COG5: variants seen among roughly 807,000 people sequenced by gnomAD.
The protein encoded by COG5 is component of oligomeric golgi complex 5.
COG5 carries 86 observed loss-of-function variants against 110.4 expected under a neutral mutation model. That is an observed-to-expected ratio of 0.78 (90% CI 0.65 to 0.93). The LOEUF (loss-of-function observed/expected upper bound fraction) is 0.93, where lower values mean the gene tolerates loss of function less well. Ranked by LOEUF, COG5 falls within the 40% of genes least tolerant of loss-of-function variation. COG5 has a pLI of 0.00. For missense variants in COG5, 1,077 were observed against 987.0 expected (o/e 1.09, Z -1.22); for synonymous variants, 360 against 334.6 (o/e 1.08, Z -0.83).
chr7:107,454,483 C>T (rs142052596), intron 6 of COG5, among the ~76,000 whole-genome samples: 1,729 of 152,156 alleles, frequency 0.011, 32 homozygotes, highest in African/African-American at 0.039. Context: ...TACAAGTAAT[C>T]TTATTCTTTA....
intron 10 of COG5, among the ~76,000 whole-genome samples, chr7:107,335,667 G>C (rs1810640432): frequency 6.6e-6 from 1 of 152,112 alleles, no homozygotes; most frequent in South Asian, 2.1e-4. Context: ...TATAATAAAA[G>C]ACACAGAGTA....
At chr7:107,267,931 A>C (rs569402417) in intron 14 of COG5, among the ~76,000 whole-genome samples, 1 of 152,238 alleles carries the variant, frequency 6.6e-6, no homozygotes, top group African/African-American at 2.4e-5. Context: ...TTAAATCTAT[A>C]ATCTTACATG....
chr7:107,518,754 G>T (rs2129149760), intron 6 of COG5, among the ~76,000 whole-genome samples: 1 of 152,244 alleles, frequency 6.6e-6, no homozygotes. Context: ...AGATCAACGG[G>T]ACAGAAAATT....
intron 6 of COG5, among the ~76,000 whole-genome samples, chr7:107,517,633 A>G (rs1011306939): frequency 2.0e-5 from 3 of 152,168 alleles, no homozygotes; most frequent in African/African-American, 7.2e-5. Context: ...AGCCCATCAG[A>G]CTAACAGCGG....
intron 16 of COG5, 104 bp downstream of exon 16, chr7:107,256,628 A>G: frequency 2.7e-6 from 2 of 740,992 alleles, no homozygotes; most frequent in Non-Finnish European, 2.4e-6. Context: ...TTTTGTATAT[A>G]TAGAGGATTC....
In COG5 at chr7:107,203,422, A is replaced by T. The variant is rs561925830; in HGVS notation, c.*94T>A. 7 of 830,846 alleles carry T rather than the reference A, an allele frequency of 8.4e-6. No homozygotes were observed. In the East Asian group the frequency reaches 1.7e-4, roughly 21 times the overall value. 51.5% of individuals were successfully genotyped at this position (830,846 alleles called of 1,614,324 possible). A position where few individuals can be genotyped will look rare whatever the true frequency, so the allele number is the denominator to read the frequency against. On this transcript the variant is annotated 3_prime_UTR_variant, in exon 22 of 22. Transcript: ENST00000297135. Reference sequence around the variant, plus strand: ...ACCGAACAATCAATTACATTCTTAAAATAGTAGATAGTAGCAGTCTTTTGG... The same window carrying T: ...ACCGAACAATCAATTACATTCTTAATATAGTAGATAGTAGCAGTCTTTTGG...
intron 5 of COG5, among the ~76,000 whole-genome samples, chr7:107,542,301 T>C (rs2520266): frequency 0.41 from 63,032 of 151,930 alleles, 13,435 homozygotes; most frequent in Non-Finnish European, 0.47. Context: ...TAATTAGCTC[T>C]TAGAAAAACA....
At chr7:107,362,197 T>C (rs1813178709) in intron 9 of COG5, 87 bp from the exon 10 acceptor site, 3 of 1,317,698 alleles carry the variant, frequency 2.3e-6, no homozygotes, top group Non-Finnish European at 2.2e-6. Flanking sequence ...CATCAGCTAG[T>C]GGAGGTATTT....
intron 10 of COG5, 31 bp from the exon 11 acceptor site, chr7:107,324,552 A>C: frequency 7.5e-7 from 1 of 1,326,206 alleles, no homozygotes; most frequent in Non-Finnish European, 1.1e-6. Context: ...TTTTTTAAAA[A>C]TAAAAAAATG....
intron 12 of COG5, among the ~76,000 whole-genome samples, chr7:107,293,114 T>C (rs191704888): frequency 6.6e-5 from 10 of 152,096 alleles, no homozygotes; most frequent in Non-Finnish European, 1.2e-4. Context: ...TGGAAGGCAA[T>C]TGCATGAGGT....
intron 8 of COG5, among the ~76,000 whole-genome samples, chr7:107,370,781 T>TAAA (rs71314692): frequency 1.7e-4 from 17 of 101,534 alleles, no homozygotes; most frequent in African/African-American, 6.8e-4. Context: ...AAACTCCAGC[T>TAAA]AAAAAAAAAA....
chr7:107,221,818 T>A (rs965510963), intron 19 of COG5, among the ~76,000 whole-genome samples: 11 of 152,154 alleles, frequency 7.2e-5, no homozygotes, highest in African/African-American at 2.7e-4. Flanking sequence ...TGATACATTT[T>A]CTTCCTTCTG....
chr7:107,536,181 C>A (rs976116525), intron 5 of COG5, among the ~76,000 whole-genome samples: 1 of 152,018 alleles, frequency 6.6e-6, no homozygotes, highest in African/African-American at 2.4e-5. Context: ...TTATGGTAAA[C>A]CCATAGCATT....
At chr7:107,476,183 TTAAAAAAAAA>T (rs146469729) in intron 6 of COG5, among the ~76,000 whole-genome samples, 20,815 of 87,288 alleles carry the variant, frequency 0.24, 2,758 homozygotes, top group Middle Eastern at 0.33. Context: ...TGCAATGATT[TTAAAAAAAAA>T]AAAAAAAAAA....
chr7:107,211,056 G>A (rs199932341), intron 20 of COG5, 43 bp downstream of exon 20: 1 of 1,608,894 alleles, frequency 6.2e-7, no homozygotes, highest in Non-Finnish European at 8.5e-7. Context: ...CACAGGTAAT[G>A]GGAAGAGTCA....
chr7:107,246,004 TACAAAAACAGGC>T (rs1802025804), intron 17 of COG5, among the ~76,000 whole-genome samples: 1 of 152,158 alleles, frequency 6.6e-6, no homozygotes, highest in Non-Finnish European at 1.5e-5. Context: ...ATGGTACTGG[TACAAAAACAGGC>T]ACATAGACCA....
intron 8 of COG5, 79 bp downstream of exon 8, chr7:107,372,516 C>T: frequency 2.9e-6 from 4 of 1,383,934 alleles, no homozygotes; most frequent in Non-Finnish European, 4.1e-6. Flanking sequence ...TGCTTTGAAA[C>T]ATGAGTGTTT....
chr7:107,232,951 C>G (rs1800885427), intron 18 of COG5, among the ~76,000 whole-genome samples: 1 of 152,148 alleles, frequency 6.6e-6, no homozygotes, highest in Admixed American at 6.6e-5. Context: ...TCTTTGGATA[C>G]TCCTAGGGTA....
At chr7:107,521,457 C>CA (rs1487514539) in intron 6 of COG5, among the ~76,000 whole-genome samples, 3 of 152,110 alleles carry the variant, frequency 2.0e-5, no homozygotes, top group South Asian at 2.1e-4. Flanking sequence ...AGGAAACAAA[C>CA]AAAAAATCAC....
Sources: allele counts gnomAD v4.1 joint callset (sites outside exome capture counted in the v4.1 genomes callset), GRCh38; gene constraint gnomAD v4.1.1; transcripts MANE v1.5; gene names NCBI Gene and HGNC (gene_info 2026-07-23, HGNC 2026-07-21).